The following UNC79 variants were observed in gnomAD, a reference collection of about 807,000 sequenced individuals.
UNC79 encodes unc-79 subunit of NALCN channel complex.
UNC79 carries 37 observed loss-of-function variants against 283.1 expected under a neutral mutation model. That is an observed-to-expected ratio of 0.13 (90% CI 0.10 to 0.17). UNC79 has a LOEUF of 0.17. UNC79 is among the 10% of genes least tolerant of loss of function. The pLI, the probability that UNC79 is intolerant of heterozygous loss-of-function variation, is 1.00. For synonymous variants in UNC79, 1,107 were observed against 1,200.2 expected (o/e 0.92, Z 1.61); for missense variants, 2,272 against 3,211.1 (o/e 0.71, Z 7.07).
chr14:93,667,329 A>G (rs2072321503), intron 40 of UNC79, among the ~76,000 whole-genome samples: 1 of 152,200 alleles, frequency 6.6e-6, no homozygotes, highest in Non-Finnish European at 1.5e-5. Flanking sequence ...AATAAAATAG[A>G]CAAACCGTTG....
chr14:93,479,124 C>A (rs1227231870), intron 4 of UNC79, among the ~76,000 whole-genome samples: 1 of 152,042 alleles, frequency 6.6e-6, no homozygotes, highest in Non-Finnish European at 1.5e-5. Flanking sequence ...AACTGTTAAA[C>A]TTAGGCATAA....
chr14:93,557,178 T>A (rs1453232684), intron 14 of UNC79, among the ~76,000 whole-genome samples: 1 of 152,228 alleles, frequency 6.6e-6, no homozygotes, highest in African/African-American at 2.4e-5. Flanking sequence ...TTATATTCTA[T>A]TGATTTAAAG....
intron 7 of UNC79, among the ~76,000 whole-genome samples, chr14:93,498,206 G>T (rs1036987834): frequency 4.0e-5 from 6 of 151,770 alleles, no homozygotes; most frequent in Admixed American, 6.6e-5. Context: ...GGAGGAGGTT[G>T]CAATGAGCCA....
intron 30 of UNC79, among the ~76,000 whole-genome samples, 199 bp downstream of exon 32, chr14:93,623,040 C>T (rs78808033): frequency 0.018 from 2,677 of 152,280 alleles, 42 homozygotes; most frequent in South Asian, 0.077. Flanking sequence ...ACTGGCTCCA[C>T]AAATGTTTCT....
In UNC79 at chr14:93,333,483, C is replaced by T. The variant is rs956786670; in HGVS notation, c.-391C>T. ...GGAAAGTCATTGCTGACAGTCCTGG[C>T]ATTCCGGTGGCTGCTTCTTGGCAGT... On this transcript the variant is annotated 5_prime_UTR_variant, in exon 1 of 50. Transcript: ENST00000256339. 4 of 398,606 alleles carry T rather than the reference C, an allele frequency of 1.0e-5. No individual in the cohort carries two copies. The Admixed American group carries it at 1.8e-4, about 18-fold the overall frequency. The allele number at this position is 398,606 out of a possible 1,614,324, so 24.7% of individuals were successfully genotyped here. A position where few individuals can be genotyped will look rare whatever the true frequency, so the allele number is the denominator to read the frequency against.
intron 1 of UNC79, among the ~76,000 whole-genome samples, chr14:93,440,447 T>C (rs751504298): frequency 2.3e-4 from 35 of 152,206 alleles, no homozygotes; most frequent in Admixed American, 4.6e-4. Context: ...ATTTCAGTTT[T>C]TATTATTAAT....
chr14:93,342,816 A>G (rs541374635), intron 1 of UNC79, among the ~76,000 whole-genome samples: 1 of 152,336 alleles, frequency 6.6e-6, no homozygotes, highest in East Asian at 1.9e-4. Context: ...TGCAAGTTCA[A>G]AGTTTCACAG....
intron 1 of UNC79, among the ~76,000 whole-genome samples, chr14:93,418,402 G>A (rs1257034579): frequency 6.6e-6 from 1 of 151,584 alleles, no homozygotes; most frequent in Admixed American, 6.6e-5. Context: ...AGGAGTACCC[G>A]GCCATGTGAG....
At chr14:93,577,356 A>C (rs956705149) in intron 17 of UNC79, among the ~76,000 whole-genome samples, 3 of 152,238 alleles carry the variant, frequency 2.0e-5, no homozygotes, top group Non-Finnish European at 2.9e-5. Context: ...TGGGTGGACA[A>C]ATGGAGAATA....
At chr14:93,691,781 C>T (rs753339945) in exon 46 of UNC79, 3 of 1,614,226 alleles carry the variant, frequency 1.9e-6, no homozygotes, top group East Asian at 2.2e-5. Flanking sequence ...CCCTCTTCCA[C>T]GCGTTCATCT....
At chr14:93,695,890 C>CAAAAAAAACAAAAAAAAAAAA (rs2075068633) in intron 47 of UNC79, among the ~76,000 whole-genome samples, 1 of 39,440 alleles carries the variant, frequency 2.5e-5, no homozygotes, top group African/African-American at 1.1e-4. Flanking sequence ...GACTTTGTCT[C>CAAAAAAAACAAAAAAAAAAAA]AAAAAAAAAA....
chr14:93,542,528 G>A, exon 14 of UNC79: 2 of 1,614,202 alleles, frequency 1.2e-6, no homozygotes, highest in Non-Finnish European at 1.7e-6. Flanking sequence ...TGGTGGCCAT[G>A]GTGTTTCAGT....
At chr14:93,506,156 C>T (rs2059528342) in intron 7 of UNC79, among the ~76,000 whole-genome samples, 2 of 151,592 alleles carry the variant, frequency 1.3e-5, no homozygotes, top group South Asian at 4.2e-4. Context: ...TACGTTTTCT[C>T]AGTTAGTGTT....
At chr14:93,362,930 A>G (rs1040238930) in intron 1 of UNC79, among the ~76,000 whole-genome samples, 6 of 151,932 alleles carry the variant, frequency 3.9e-5, no homozygotes, top group African/African-American at 1.5e-4. Flanking sequence ...CAAAGAATAA[A>G]CTTTTGGTTT....
intron 24 of UNC79, among the ~76,000 whole-genome samples, chr14:93,598,971 G>A (rs1387106429): frequency 6.6e-6 from 1 of 152,176 alleles, no homozygotes; most frequent in African/African-American, 2.4e-5. Context: ...ATTTTTTAGT[G>A]GAGACACCAA....
At chr14:93,433,460 A>G (rs2055957197) in intron 1 of UNC79, among the ~76,000 whole-genome samples, 2 of 152,232 alleles carry the variant, frequency 1.3e-5, no homozygotes, top group Non-Finnish European at 2.9e-5. Flanking sequence ...TACTTTTTAT[A>G]AAAAGAACGC....
At chr14:93,433,164 A>G (rs1175779370) in intron 1 of UNC79, among the ~76,000 whole-genome samples, 1 of 152,242 alleles carries the variant, frequency 6.6e-6, no homozygotes, top group Non-Finnish European at 1.5e-5. Context: ...TTTGTGCCTC[A>G]GAGTTTCCAT....
At chr14:93,687,535 A>G (rs533158586) in intron 43 of UNC79, among the ~76,000 whole-genome samples, 21 of 152,222 alleles carry the variant, frequency 1.4e-4, no homozygotes, top group Non-Finnish European at 2.4e-4. Context: ...TAGTGATCCC[A>G]GAAGTTCATC....
chr14:93,634,247 A>T (rs1162788707), intron 31 of UNC79, among the ~76,000 whole-genome samples: 1 of 152,268 alleles, frequency 6.6e-6, no homozygotes, highest in East Asian at 1.9e-4. Flanking sequence ...TTAAAAGTAG[A>T]TGAAGATAAT....
Sources: allele counts gnomAD v4.1 joint callset (sites outside exome capture counted in the v4.1 genomes callset), GRCh38; gene constraint gnomAD v4.1.1; transcripts MANE v1.5; gene names NCBI Gene and HGNC (gene_info 2026-07-23, HGNC 2026-07-21).